IFT122: variants seen among roughly 807,000 people sequenced by gnomAD.
IFT122 encodes intraflagellar transport 122, also known as intraflagellar transport protein 122 homolog.
IFT122 carries 118 observed loss-of-function variants against 161.6 expected under a neutral mutation model. The observed-to-expected ratio is 0.73, with a 90% CI of 0.63 to 0.85. The LOEUF is 0.85. IFT122 is among the 40% of genes least tolerant of loss of function. IFT122 has a pLI of 0.00. For synonymous variants in IFT122, 550 were observed against 602.4 expected (o/e 0.91, Z 1.27); for missense variants, 1,381 against 1,579.6 (o/e 0.87, Z 2.13).
chr3:129,472,086 T>C (rs961696807), intron 9 of IFT122, among the ~76,000 whole-genome samples: 5 of 152,218 alleles, frequency 3.3e-5, no homozygotes, highest in African/African-American at 4.8e-5. Flanking sequence ...AGAATCCATA[T>C]TAGAATGTCT....
At chr3:129,456,285 T>A in intron 3 of IFT122, 1 of 1,244,344 alleles carries the variant, frequency 8.0e-7, no homozygotes, top group Non-Finnish European at 1.0e-6. Flanking sequence ...TTTCTTTGTT[T>A]ATTTAGTATT....
At chr3:129,475,770 C>T (rs957905277) in intron 9 of IFT122, among the ~76,000 whole-genome samples, 1 of 152,168 alleles carries the variant, frequency 6.6e-6, no homozygotes, top group Admixed American at 6.6e-5. Context: ...GCCGTAATTG[C>T]ACCACTGCAC....
intron 5 of IFT122, among the ~76,000 whole-genome samples, chr3:129,461,721 G>A (rs1327051358): frequency 2.6e-5 from 4 of 152,142 alleles, no homozygotes; most frequent in African/African-American, 4.8e-5. Context: ...TCACTGTTGC[G>A]GTTCTACTTC....
At chr3:129,486,369 G>T (rs1039003104) in intron 15 of IFT122, among the ~76,000 whole-genome samples, 2 of 152,142 alleles carry the variant, frequency 1.3e-5, no homozygotes, top group Admixed American at 6.5e-5. Context: ...GTGAAATGGG[G>T]TTAATTATAC....
rs368690956 is a variant in IFT122, at chr3:129,515,509, C to G, written c.3175C>G (p.Arg1059Gly). 15 of 1,532,994 alleles carry G rather than the reference C, an allele frequency of 9.8e-6. No homozygotes were observed. The highest frequency in any genetic ancestry group is 2.1e-4 in the Middle Eastern group (1 of 4,870). The allele number at this position is 1,532,994 out of a possible 1,614,324, so 95.0% of individuals were successfully genotyped here. ...DSEELVPLCY[R>G]CSTNNPLLNN... The stretch of plus-strand genomic sequence containing the variant: ...GTAGGAGTTGGTGCCCTTGTGCTAC[C>G]GCTGCTCCACCAACAACCCGCTGCT... The change falls in exon 26 of 30, where the codon CGC (arginine) becomes GGC (glycine). Residue 1059 changes from arginine to glycine, a missense_variant. Arg to Gly is a moderately radical substitution (Grantham distance 125). Coordinates refer to ENST00000348417, the MANE Select transcript of IFT122 (RefSeq NM_052989.3).
intron 17 of IFT122, among the ~76,000 whole-genome samples, chr3:129,494,214 T>G (rs759143853): frequency 1.3e-5 from 2 of 151,542 alleles, no homozygotes; most frequent in African/African-American, 4.9e-5. Context: ...GTTTGTTTGT[T>G]TGTTTTTTTT....
At chr3:129,446,116 C>G (rs1005316230) in intron 1 of IFT122, among the ~76,000 whole-genome samples, 2 of 151,580 alleles carry the variant, frequency 1.3e-5, no homozygotes, top group Non-Finnish European at 2.9e-5. Flanking sequence ...ATTTTACAAA[C>G]TCTCCTCTCT....
At chr3:129,519,809 G>T (rs1394731741) in intron 29 of IFT122, 77 bp downstream of exon 29, 1 of 1,557,780 alleles carries the variant, frequency 6.4e-7, no homozygotes, top group African/African-American at 1.4e-5. Context: ...TCTGGGAGGC[G>T]TGGCCCCTGG....
At chr3:129,459,465 A>G (rs1310439176) in intron 4 of IFT122, 12 of 322,514 alleles carry the variant, frequency 3.7e-5, no homozygotes, top group Admixed American at 2.6e-4. Context: ...AATTTTTTGT[A>G]TTTTTAGTAG....
rs1179270166 is a variant in IFT122 at position 129,476,439 on chromosome 3, T to C, written c.941T>C (p.Leu314Pro). 1 of 1,614,102 alleles carries C rather than the reference T, an allele frequency of 6.2e-7. No individual in the cohort carries two copies. Among genetic ancestry groups the C allele is most frequent in the Non-Finnish European group, 8.5e-7 (1 of 1,180,034 alleles). The change falls in exon 10 of 30, where the codon CTT becomes CCT. Residue 314 changes from leucine to proline, a missense_variant. By Grantham distance (98) the Leu-to-Pro change is moderately conservative. Coordinates refer to ENST00000348417, the MANE Select transcript of IFT122 (RefSeq NM_052989.3). ...CTTTTCACCAAGGATGGAGTGCGGC[T>C]TGGGACTGTTGGGGAGCAGAACTCC... ...VSLFTKDGVR[L>P]GTVGEQNSWV...
Position 129,477,386 on chromosome 3 carries a change from T to G in IFT122, c.1147+585T>G, listed in dbSNP as rs1321854310. Among the ~76,000 whole-genome samples, 3 of 152,196 alleles carry G rather than the reference T, an allele frequency of 2.0e-5. No individual in the cohort carries two copies. In the East Asian group the frequency reaches 5.8e-4, roughly 29 times the overall value. ...AGACTCAATCCACTTACTTCAGGTG[T>G]ATTCATATCTGGATGTGCTGGCCTT... On this transcript the variant is annotated intron_variant, in intron 11 of 29. Coordinates refer to ENST00000348417, the MANE Select transcript of IFT122 (RefSeq NM_052989.3).
chr3:129,518,367 C>T (rs920049254), intron 27 of IFT122, among the ~76,000 whole-genome samples: 4 of 152,238 alleles, frequency 2.6e-5, no homozygotes, highest in African/African-American at 7.2e-5. Flanking sequence ...ACAGCACACA[C>T]GTGGCCTGAG....
rs1260845549 is a variant in IFT122, at chr3:129,476,661, AG to A, written c.1009del. 6.2e-7 allele frequency: 1 copy of A among 1,614,210 alleles called. No individual in the cohort carries two copies. Among genetic ancestry groups the A allele is most frequent in the Non-Finnish European group, 8.5e-7 (1 of 1,180,046 alleles). The stretch of plus-strand genomic sequence containing the variant: ...GGAATTGACAGTTCTCTCACCCCGC[AG>A]GTGGTCGGCTGCCAGGACGGCACCA... On this transcript the variant is annotated splice_acceptor_variant, in intron 10 of 29. Coordinates refer to ENST00000348417, the MANE Select transcript of IFT122 (RefSeq NM_052989.3). LOFTEE classifies it high-confidence loss of function.
chr3:129,511,554 A>G (rs1480997119), intron 23 of IFT122, among the ~76,000 whole-genome samples: 1 of 152,214 alleles, frequency 6.6e-6, no homozygotes, highest in Non-Finnish European at 1.5e-5. Flanking sequence ...ATCTCAGTTT[A>G]TATACAGTGT....
intron 4 of IFT122, 61 bp from the exon 5 acceptor site, chr3:129,461,167 T>C: frequency 7.4e-7 from 1 of 1,351,932 alleles, no homozygotes; most frequent in Admixed American, 1.7e-5. Flanking sequence ...AAATCTTCAG[T>C]TGTAGCCACT....
chr3:129,516,877 CACAGACCGCTCCTGCACACAG>C, intron 26 of IFT122, among the ~76,000 whole-genome samples: 2 of 145,152 alleles, frequency 1.4e-5, no homozygotes, highest in African/African-American at 5.2e-5. Context: ...CCTGCACACA[CACAGACCGCTCCTGCACACAG>C]ACACACAGAG....
chr3:129,470,640 G>A (rs1033957115), intron 9 of IFT122, among the ~76,000 whole-genome samples: 1 of 151,800 alleles, frequency 6.6e-6, no homozygotes, highest in East Asian at 1.9e-4. Flanking sequence ...GCTCAATCTC[G>A]GTTCACTGCG....
At chr3:129,450,014 T>A in intron 2 of IFT122, 77 bp downstream of exon 2, 1 of 747,416 alleles carries the variant, frequency 1.3e-6, no homozygotes, top group Non-Finnish European at 2.2e-6. Flanking sequence ...TTTGACCCTT[T>A]TTTTTTTTTT....
At chr3:129,462,026 T>C (rs1481983257) in intron 5 of IFT122, among the ~76,000 whole-genome samples, 1 of 152,208 alleles carries the variant, frequency 6.6e-6, no homozygotes, top group African/African-American at 2.4e-5. Context: ...AGAGGCCTAA[T>C]CCCTCTCAGT....
Sources: allele counts gnomAD v4.1 joint callset (sites outside exome capture counted in the v4.1 genomes callset), GRCh38; gene constraint gnomAD v4.1.1; transcripts MANE v1.5; gene names NCBI Gene and HGNC (gene_info 2026-07-23, HGNC 2026-07-21).